Variants in INPP4B observed in about 807,000 individuals in gnomAD.
INPP4B encodes inositol polyphosphate 4-phosphatase type II.
In INPP4B, 55 loss-of-function variants were observed where a neutral mutation model predicts 122.5. The ratio of observed to expected loss-of-function variants is 0.45; its 90% CI spans 0.36 to 0.56. The LOEUF is 0.56. Among genes scored for constraint, INPP4B ranks in the 20% least tolerant of loss-of-function variants. The pLI, the probability that INPP4B is intolerant of heterozygous loss-of-function variation, is 0.00. For missense variants in INPP4B, 1,000 were observed against 1,097.7 expected (o/e 0.91, Z 1.26); for synonymous variants, 403 against 388.7 (o/e 1.04, Z -0.43).
At chr4:142,106,564 A>T (rs1167653509) in intron 23 of INPP4B, among the ~76,000 whole-genome samples, 2 of 152,334 alleles carry the variant, frequency 1.3e-5, no homozygotes, top group African/African-American at 4.8e-5. Flanking sequence ...TTGTATTTCA[A>T]CAGTACCTAT....
At chr4:142,244,856 G>A (rs1343911223) in intron 11 of INPP4B, among the ~76,000 whole-genome samples, 1 of 152,154 alleles carries the variant, frequency 6.6e-6, no homozygotes, top group Admixed American at 6.5e-5. Flanking sequence ...CAGTGTAAAA[G>A]CGTTCCTATT....
chr4:142,200,687 AAGC>A (rs1434249876), intron 14 of INPP4B, among the ~76,000 whole-genome samples: 1 of 152,056 alleles, frequency 6.6e-6, no homozygotes, highest in Non-Finnish European at 1.5e-5. Flanking sequence ...ACATATTGAT[AAGC>A]AAGAAAACAA....
At chr4:142,825,988 C>T (rs1346450604) in intron 1 of INPP4B, among the ~76,000 whole-genome samples, 1 of 152,110 alleles carries the variant, frequency 6.6e-6, no homozygotes, top group Admixed American at 6.6e-5. Context: ...TCCCTTTTCA[C>T]ATGTTCCTTT....
chr4:142,637,817 C>G (rs574442279), intron 2 of INPP4B, among the ~76,000 whole-genome samples: 26 of 152,284 alleles, frequency 1.7e-4, no homozygotes, highest in Non-Finnish European at 3.2e-4. Context: ...TTCCTAACAG[C>G]AACAAATGAG....
chr4:142,660,631 G>A (rs1375080599), intron 2 of INPP4B: 1 of 152,112 alleles, frequency 6.6e-6, no homozygotes, highest in Admixed American at 6.6e-5. Context: ...CCACCAAAAG[G>A]GTAAAGATTT....
intron 7 of INPP4B, among the ~76,000 whole-genome samples, chr4:142,389,303 A>G (rs925406419): frequency 1.3e-5 from 2 of 152,122 alleles, no homozygotes; most frequent in South Asian, 2.1e-4. Context: ...AAATCTTACA[A>G]CTACTGGATC....
chr4:142,564,439 C>CAAAAAAAAAAAAAAAAAAAAAAAAAA (rs199803105), intron 2 of INPP4B, among the ~76,000 whole-genome samples: 1 of 97,932 alleles, frequency 1.0e-5, no homozygotes, highest in Non-Finnish European at 1.9e-5. Flanking sequence ...TAAGGAATGG[C>CAAAAAAAAAAAAAAAAAAAAAAAAAA]AAAAAAAAAA....
intron 7 of INPP4B, among the ~76,000 whole-genome samples, chr4:142,340,752 G>A (rs947037673): frequency 3.3e-5 from 5 of 151,952 alleles, no homozygotes; most frequent in African/African-American, 7.3e-5. Context: ...GAGGAACCTC[G>A]GCTTTATTCT....
At position 142,122,470 on chromosome 4, in the gene INPP4B, G is replaced by A. The variant is rs565147204; in HGVS notation, c.2018-225C>T. Among the ~76,000 whole-genome samples, 8 of 152,108 alleles carry A rather than the reference G, an allele frequency of 5.3e-5. No homozygotes were observed. In the South Asian group the frequency reaches 1.7e-3, roughly 32 times the overall value. On this transcript the variant is annotated intron_variant, in intron 20 of 25. Coordinates refer to ENST00000262992, the MANE Select transcript of INPP4B (RefSeq NM_001101669.3). ...TCAATCTACCCTTTGAGGGAAGGAA[G>A]AACGTGGACATTTGCTGTGAGGCTG... is the stretch of plus-strand genomic sequence containing the variant.
Position 142,030,357 on chromosome 4 carries a change from G to C in INPP4B, c.2643-1443C>G, listed in dbSNP as rs577384865. ...AAGAAAATAGTATAGAGTTCACACAGTAAAAAAAATTCAGCCTTAAATATT... is the reference window on the plus strand; with the variant it reads ...AAGAAAATAGTATAGAGTTCACACACTAAAAAAAATTCAGCCTTAAATATT... On this transcript the variant is annotated intron_variant, in intron 25 of 25. Coordinates refer to ENST00000262992, the MANE Select transcript of INPP4B (RefSeq NM_001101669.3). The C allele has an allele frequency of 1.3e-4, 188 of 1,446,518 alleles. 1 individual carries two copies. The highest frequency in any genetic ancestry group is 1.3e-4 in the Admixed American group (6 of 46,302). 89.6% of individuals were successfully genotyped at this position (1,446,518 alleles called of 1,614,324 possible). A position where few individuals can be genotyped will look rare whatever the true frequency, so the allele number is the denominator to read the frequency against.
intron 2 of INPP4B, among the ~76,000 whole-genome samples, chr4:142,541,126 T>G (rs1050113772): frequency 6.6e-6 from 1 of 152,174 alleles, no homozygotes; most frequent in African/African-American, 2.4e-5. Flanking sequence ...ATAACTAATA[T>G]TGAGATTATC....
intron 1 of INPP4B, among the ~76,000 whole-genome samples, chr4:142,812,947 A>G (rs1293666877): frequency 6.6e-6 from 1 of 152,228 alleles, no homozygotes; most frequent in Admixed American, 6.5e-5. Flanking sequence ...AGGCTTTGCT[A>G]TGATCAACAT....
intron 1 of INPP4B, among the ~76,000 whole-genome samples, chr4:142,843,995 A>T (rs976600890): frequency 4.6e-5 from 7 of 152,166 alleles, no homozygotes; most frequent in Non-Finnish European, 1.0e-4. Context: ...CACAACTAAA[A>T]TATAATAGCA....
At chr4:142,130,109 G>A (rs1017477936) in intron 18 of INPP4B, among the ~76,000 whole-genome samples, 2 of 152,210 alleles carry the variant, frequency 1.3e-5, no homozygotes, top group Non-Finnish European at 1.5e-5. Flanking sequence ...CTGGTGAGAA[G>A]ACTGTGTTCA....
At chr4:142,124,494 T>G (rs1041950224) in intron 19 of INPP4B, 94 bp downstream of exon 19, 5 of 1,148,652 alleles carry the variant, frequency 4.4e-6, no homozygotes, top group Non-Finnish European at 5.0e-6. Context: ...TTTTTAAAAA[T>G]AAAGCTGTCC....
Position 142,136,790 on chromosome 4 carries a change from T to A in INPP4B, c.1720+9050A>T, listed in dbSNP as rs74890516. Among the ~76,000 whole-genome samples, 490 of 152,296 alleles carry A rather than the reference T, an allele frequency of 3.2e-3. 3 individuals carry two copies. Among genetic ancestry groups the A allele is most frequent in the African/African-American group, 0.011 (442 of 41,560 alleles). ...GCTTGGCAAACAAGTGAAGTATAAG[T>A]TATGACTATCTGAGAAACAGTTCAT... On this transcript the variant is annotated intron_variant, in intron 18 of 25. Coordinates refer to ENST00000262992, the MANE Select transcript of INPP4B (RefSeq NM_001101669.3).
intron 2 of INPP4B, among the ~76,000 whole-genome samples, chr4:142,625,151 G>A (rs1256205696): frequency 6.6e-6 from 1 of 151,214 alleles, no homozygotes; most frequent in African/African-American, 2.4e-5. Flanking sequence ...GCAGGAGAAG[G>A]AAATAAAGGG....
At chr4:142,603,749 A>C (rs1740599000) in intron 2 of INPP4B, among the ~76,000 whole-genome samples, 1 of 152,134 alleles carries the variant, frequency 6.6e-6, no homozygotes, top group Admixed American at 6.5e-5. Flanking sequence ...GAGAAGCCCA[A>C]GAACAGATGG....
chr4:142,558,138 A>C (rs1049902886), intron 2 of INPP4B, among the ~76,000 whole-genome samples: 1 of 152,000 alleles, frequency 6.6e-6, no homozygotes, highest in African/African-American at 2.4e-5. Context: ...ATCATCTCAA[A>C]CTTCTGGAAG....
Sources: allele counts gnomAD v4.1 joint callset (sites outside exome capture counted in the v4.1 genomes callset), GRCh38; gene constraint gnomAD v4.1.1; transcripts MANE v1.5; gene names NCBI Gene and HGNC (gene_info 2026-07-23, HGNC 2026-07-21).